Variants in GCNT4 observed in about 807,000 individuals in gnomAD.
GCNT4 encodes the protein glucosaminyl (N-acetyl) transferase 4, also known as beta-1,3-galactosyl-O-glycosyl-glycoprotein beta-1,6-N-acetylglucosaminyltransferase 4.
Under a neutral mutation model 31.3 loss-of-function variants are expected in GCNT4, and 17 were observed. The observed-to-expected ratio is 0.54, with a 90% CI of 0.37 to 0.81. GCNT4 has a LOEUF of 0.81. GCNT4 is among the 40% of genes least tolerant of loss of function. The probability of loss-of-function intolerance (pLI) is 0.00; values close to 1 mark genes in which losing one functional copy is unlikely to be tolerated. For synonymous variants in GCNT4, 158 were observed against 190.6 expected (o/e 0.83, Z 1.41); for missense variants, 503 against 525.5 (o/e 0.96, Z 0.42).
At position 75,026,663 on chromosome 5, in the gene GCNT4, A is replaced by AC. The variant is rs1742951319; in HGVS notation, c.*2012_*2013insG. On this transcript the variant is annotated 3_prime_UTR_variant, in exon 4 of 4. Transcript: ENST00000652361. Reference sequence around the variant, plus strand: ...CGATTCTCACAAAAAAAAAAAAAAAAAAAAAAAAACACTTGTGTGGAAGCA... The same window carrying AC: ...CGATTCTCACAAAAAAAAAAAAAAAACAAAAAAAAACACTTGTGTGGAAGCA... The AC allele has an allele frequency of 6.6e-6, 1 of 151,326 alleles. No individual in the cohort carries two copies. The highest frequency in any genetic ancestry group is 6.6e-5 in the Admixed American group (1 of 15,216). 9.4% of individuals were successfully genotyped at this position (151,326 alleles called of 1,614,324 possible). A position where few individuals can be genotyped will look rare whatever the true frequency, so the allele number is the denominator to read the frequency against.
chr5:75,040,387 G>A (rs1743292763), intron 3 of GCNT4, among the ~76,000 whole-genome samples: 3 of 152,094 alleles, frequency 2.0e-5, no homozygotes, highest in Admixed American at 6.5e-5. Context: ...GAAACATAAG[G>A]TCTTTGAAGG....
chr5:75,038,266 T>A (rs1313908482), intron 3 of GCNT4, among the ~76,000 whole-genome samples: 1 of 152,202 alleles, frequency 6.6e-6, no homozygotes, highest in Non-Finnish European at 1.5e-5. Context: ...AATTCATGTA[T>A]CTAGGTCTTC....
chr5:75,026,701 C>T lies in GCNT4; in HGVS notation c.*1975G>A, dbSNP rs1234270339. 3.4e-5 allele frequency: 5 copies of T among 145,948 alleles called. No homozygotes were observed. In the East Asian group the frequency reaches 8.1e-4, roughly 24 times the overall value. The allele number at this position is 145,948 out of a possible 1,614,324, so 9.0% of individuals were successfully genotyped here. A position where few individuals can be genotyped will look rare whatever the true frequency, so the allele number is the denominator to read the frequency against. On this transcript the variant is annotated 3_prime_UTR_variant, in exon 4 of 4. Transcript: ENST00000652361. ...TTGTGTGGAAGCAAGGATAGGCATC[C>T]AAGTGCTCATTTCAAAGATCTGGAA...
intron 2 of GCNT4, among the ~76,000 whole-genome samples, chr5:75,050,410 C>T (rs2149979902): frequency 6.6e-6 from 1 of 152,188 alleles, no homozygotes; most frequent in East Asian, 1.9e-4. Context: ...TCTAAGGCTC[C>T]CTCATCTTAA....
chr5:75,026,460 A>C lies in GCNT4; in HGVS notation c.*2216T>G, dbSNP rs1742945953. 2 of 152,076 alleles carry C rather than the reference A, an allele frequency of 1.3e-5. No homozygotes were observed. Among genetic ancestry groups the C allele is most frequent in the South Asian group, 4.1e-4 (2 of 4,824 alleles). The allele number at this position is 152,076 out of a possible 1,614,324, so 9.4% of individuals were successfully genotyped here. A position where few individuals can be genotyped will look rare whatever the true frequency, so the allele number is the denominator to read the frequency against. On this transcript the variant is annotated 3_prime_UTR_variant, in exon 4 of 4. Transcript: ENST00000652361. ...TCCTCAGATCTGGATTTGGTTACAG[A>C]AGTTGCCCCTGTGACTGGGGACTCT...
chr5:75,044,979 AT>A (rs1489151659), intron 3 of GCNT4, among the ~76,000 whole-genome samples: 2 of 152,148 alleles, frequency 1.3e-5, no homozygotes, highest in Non-Finnish European at 2.9e-5. Context: ...AGTTTTGAAT[AT>A]TTTTTAGGTC....
chr5:75,032,913 G>GTT lies in GCNT4; in HGVS notation c.-1-2876_-1-2875insAA, dbSNP rs1266539801. Among the ~76,000 whole-genome samples the GTT allele has an allele frequency of 6.5e-5, 9 of 138,904 alleles. No individual in the cohort carries two copies. In the East Asian group the frequency reaches 9.8e-4, roughly 15 times the overall value. 91.1% of individuals were successfully genotyped at this position (138,904 alleles called of 152,430 possible). On this transcript the variant is annotated intron_variant, in intron 3 of 3. Transcript: ENST00000652361. ...TGTGTGTGTGTGTGTGTGTGTGTGTGTGTGTGTGTGATTAATTCATGGTTA... is the reference window on the plus strand; with the variant it reads ...TGTGTGTGTGTGTGTGTGTGTGTGTGTTTGTGTGTGTGATTAATTCATGGTTA...
At chr5:75,046,032 T>C (rs186478436) in intron 3 of GCNT4, among the ~76,000 whole-genome samples, 227 of 152,360 alleles carry the variant, frequency 1.5e-3, no homozygotes, top group Middle Eastern at 6.8e-3. Flanking sequence ...GTTGAAATGA[T>C]GTTCTTCCTT....
intron 3 of GCNT4, among the ~76,000 whole-genome samples, chr5:75,047,536 G>C (rs1469753834): frequency 6.6e-6 from 1 of 152,050 alleles, no homozygotes; most frequent in Admixed American, 6.6e-5. Context: ...GATTAGTTAA[G>C]GATAATGATA....
chr5:75,022,124 C>T (rs1580232536), downstream of GCNT4, among the ~76,000 whole-genome samples: 2 of 152,260 alleles, frequency 1.3e-5, no homozygotes, highest in East Asian at 1.9e-4. Flanking sequence ...ATTACACATA[C>T]GTCTGAACTC....
intron 3 of GCNT4, chr5:75,047,688 T>C (rs967439339): frequency 5.3e-5 from 8 of 152,316 alleles, no homozygotes; most frequent in Non-Finnish European, 1.0e-4. Flanking sequence ...CTAAGAATCA[T>C]GTATGAGCAA....
chr5:75,043,226 CA>C (rs369165098), intron 3 of GCNT4, among the ~76,000 whole-genome samples: 7 of 152,202 alleles, frequency 4.6e-5, no homozygotes, highest in African/African-American at 1.4e-4. Context: ...CCAGACTCTT[CA>C]GATTTTCCAA....
chr5:75,039,630 A>T (rs1743274857), intron 3 of GCNT4, among the ~76,000 whole-genome samples: 1 of 152,156 alleles, frequency 6.6e-6, no homozygotes, highest in Non-Finnish European at 1.5e-5. Context: ...ACAATTCGAG[A>T]CTGCCTTTCC....
At position 75,028,559 on chromosome 5, in the gene GCNT4, G is replaced by C; in HGVS notation, c.*117C>G. 2 of 968,938 alleles carry C rather than the reference G, an allele frequency of 2.1e-6. No homozygotes were observed. Among genetic ancestry groups the C allele is most frequent in the Non-Finnish European group, 3.0e-6 (2 of 665,644 alleles). 60.0% of individuals were successfully genotyped at this position (968,938 alleles called of 1,614,324 possible). ...ACTTTCCCTTGTGTATGGAATTTTG[G>C]ACACCTTTTAAAATATGGGAGGACT... On this transcript the variant is annotated 3_prime_UTR_variant, in exon 4 of 4. Transcript: ENST00000652361.
In GCNT4 at chr5:75,033,860, C is replaced by T. The variant is rs181580546; in HGVS notation, c.-1-3822G>A. 6.6e-4 allele frequency among the ~76,000 whole-genome samples: 101 copies of T among 152,080 alleles called. 1 individual carries two copies. The highest frequency in any genetic ancestry group is 6.8e-3 in the Middle Eastern group (2 of 292). ...TTGCTCCTCACCCCCCGATAGGCCC[C>T]AGTGTGTGATGTTCCCCTCCCTGTG... On this transcript the variant is annotated intron_variant, in intron 3 of 3. Transcript: ENST00000652361.
At chr5:75,032,894 TG>T (rs1743101430) in intron 3 of GCNT4, among the ~76,000 whole-genome samples, 1 of 108,196 alleles carries the variant, frequency 9.2e-6, no homozygotes, top group African/African-American at 3.3e-5. Context: ...TGTGTGTGTG[TG>T]TGTGTGTGTG....
At position 75,025,712 on chromosome 5, in the gene GCNT4, T is replaced by C. The variant is rs1742935107; in HGVS notation, c.*2964A>G. On this transcript the variant is annotated 3_prime_UTR_variant, in exon 4 of 4. Coordinates refer to ENST00000652361, the MANE Select transcript of GCNT4 (RefSeq NM_001366737.1). The stretch of plus-strand genomic sequence containing the variant: ...AAATCTTCAAATTAAAATATGTACA[T>C]TTCACTTAAATTAACCAAAATATTA... The C allele has an allele frequency of 6.6e-6, 1 of 152,346 alleles. No homozygotes were observed. The highest frequency in any genetic ancestry group is 1.5e-5 in the Non-Finnish European group (1 of 68,030). The allele number at this position is 152,346 out of a possible 1,614,324, so 9.4% of individuals were successfully genotyped here. A position where few individuals can be genotyped will look rare whatever the true frequency, so the allele number is the denominator to read the frequency against.
rs1481335371 is a variant in GCNT4, at chr5:75,052,517, T to G, written c.-290A>C. 6.6e-6 allele frequency: 1 copy of G among 152,170 alleles called. No homozygotes were observed. Among genetic ancestry groups the G allele is most frequent in the African/African-American group, 2.4e-5 (1 of 41,438 alleles). The allele number at this position is 152,170 out of a possible 1,614,324, so 9.4% of individuals were successfully genotyped here. On this transcript the variant is annotated 5_prime_UTR_variant, in exon 1 of 4. Transcript: ENST00000652361. Reference sequence around the variant, plus strand: ...CCCAGAAGCTCCCGACCCGCTGTGGTAGGCACCGCCACCTCGCAGGCAGAC... The same window carrying G: ...CCCAGAAGCTCCCGACCCGCTGTGGGAGGCACCGCCACCTCGCAGGCAGAC...
intron 3 of GCNT4, among the ~76,000 whole-genome samples, chr5:75,037,149 T>C (rs1177843304): frequency 6.6e-6 from 1 of 152,208 alleles, no homozygotes; most frequent in African/African-American, 2.4e-5. Flanking sequence ...CATCCTGATC[T>C]AGTTGAATAA....
Sources: gnomAD v4.1 joint callset for allele counts (sites outside exome capture counted in the v4.1 genomes callset) on GRCh38, gnomAD v4.1.1 for gene constraint, MANE v1.5 for transcripts, NCBI Gene and HGNC (gene_info 2026-07-23, HGNC 2026-07-21) for gene names.